The following ZFYVE9 variants were observed in gnomAD, a reference collection of about 807,000 sequenced individuals.
ZFYVE9 encodes the protein zinc finger FYVE-type containing 9, also known as zinc finger FYVE domain-containing protein 9.
ZFYVE9 carries 43 observed loss-of-function variants against 126.7 expected under a neutral mutation model. The observed-to-expected ratio is 0.34, with a 90% CI of 0.27 to 0.44. The LOEUF is 0.44. ZFYVE9 is among the 20% of genes least tolerant of loss of function. The pLI, the probability that ZFYVE9 is intolerant of heterozygous loss-of-function variation, is 1.00. For synonymous variants in ZFYVE9, 521 were observed against 597.4 expected, an observed-to-expected ratio of 0.87 and a Z score of 1.87; for missense variants, 1,476 against 1,697.0, an observed-to-expected ratio of 0.87 and a Z score of 2.29.
chr1:52,280,367 G>A (rs1208898022), intron 9 of ZFYVE9, among the ~76,000 whole-genome samples: 1 of 150,244 alleles, frequency 6.7e-6, no homozygotes, highest in Non-Finnish European at 1.5e-5. Flanking sequence ...ATGACAGAGT[G>A]AGACCCTGTT....
In ZFYVE9 at chr1:52,216,436, G is replaced by A. The variant is rs188426283; in HGVS notation, c.-75G>A. On this transcript the variant is annotated 5_prime_UTR_variant, in exon 2 of 19. Transcript: ENST00000287727. ...GCAGCAGACATCATGAGTAAGCACC[G>A]AGAAGTCTGTTCCTTATCACGTGTG... The A allele has an allele frequency of 4.6e-4, 185 of 398,460 alleles. No homozygotes were observed. The highest frequency in any genetic ancestry group is 3.1e-3 in the Middle Eastern group (5 of 1,588). 24.7% of individuals were successfully genotyped at this position (398,460 alleles called of 1,614,324 possible).
At chr1:52,307,473 G>T (rs1208757257) in intron 13 of ZFYVE9, among the ~76,000 whole-genome samples, 1 of 152,124 alleles carries the variant, frequency 6.6e-6, no homozygotes, top group African/African-American at 2.4e-5. Flanking sequence ...CTAACTGCAG[G>T]TCTTCTACCC....
chr1:52,326,415 A>G (rs1358003766), intron 13 of ZFYVE9, among the ~76,000 whole-genome samples: 1 of 152,162 alleles, frequency 6.6e-6, no homozygotes, highest in African/African-American at 2.4e-5. Flanking sequence ...TGTAAATATT[A>G]ATTTATCTAA....
chr1:52,263,753 T>TC lies in ZFYVE9; in HGVS notation c.2179-5dup, dbSNP rs58847260. 1,240 of 713,370 alleles carry TC rather than the reference T, an allele frequency of 1.7e-3. 5 individuals are homozygous for TC. The highest frequency in any genetic ancestry group is 4.8e-3 in the African/African-American group (100 of 21,032). The allele number at this position is 713,370 out of a possible 1,614,324, so 44.2% of individuals were successfully genotyped here. A position where few individuals can be genotyped will look rare whatever the true frequency, so the allele number is the denominator to read the frequency against. ...ATCCCAAGTAAATTTTGTGTGTTCT[T>TC]CCCCCCCCCCCCCCCACAGGTTTTC... On this transcript the variant is annotated intron_variant, in intron 4 of 18. Coordinates refer to ENST00000287727, the MANE Select transcript of ZFYVE9 (RefSeq NM_004799.4).
intron 13 of ZFYVE9, among the ~76,000 whole-genome samples, chr1:52,314,342 G>T (rs1557515514): frequency 6.6e-6 from 1 of 152,146 alleles, no homozygotes; most frequent in African/African-American, 2.4e-5. Context: ...ATGCTGAAAA[G>T]AAAAACTGTC....
At position 52,157,394 on chromosome 1, in the gene ZFYVE9, CTTTTTTTTTT is replaced by C. The variant is rs71579908; in HGVS notation, c.-143+15006_-143+15015del. Among the ~76,000 whole-genome samples the C allele has an allele frequency of 2.1e-4, 12 of 58,464 alleles. No homozygotes were observed. In the South Asian group the frequency reaches 2.9e-3, roughly 14 times the overall value. The allele number at this position is 58,464 out of a possible 152,430, so 38.4% of individuals were successfully genotyped here. On this transcript the variant is annotated intron_variant, in intron 1 of 18. Coordinates refer to ENST00000287727, the MANE Select transcript of ZFYVE9 (RefSeq NM_004799.4). ...TTTTTTCCTTATGGCACCATATTCT[CTTTTTTTTTT>C]TTTTTTTTTTTTTTGAGATGGAGTC...
intron 5 of ZFYVE9, 56 bp from the exon 6 acceptor site, chr1:52,266,599 C>A: frequency 4.8e-6 from 7 of 1,454,454 alleles, no homozygotes; most frequent in Non-Finnish European, 6.4e-6. Context: ...TTGTGGAGGT[C>A]TTGATGTCCA....
chr1:52,339,802 A>G (rs1350051660), intron 16 of ZFYVE9, among the ~76,000 whole-genome samples: 4 of 152,234 alleles, frequency 2.6e-5, no homozygotes, highest in Non-Finnish European at 4.4e-5. Context: ...GTGACCATGC[A>G]TTCACTGAAA....
chr1:52,324,823 A>G (rs1646275591), intron 13 of ZFYVE9, among the ~76,000 whole-genome samples: 1 of 152,180 alleles, frequency 6.6e-6, no homozygotes, highest in African/African-American at 2.4e-5. Flanking sequence ...TAATGTTTGT[A>G]GAACTGAATC....
At chr1:52,277,555 T>C (rs1645760061) in intron 8 of ZFYVE9, among the ~76,000 whole-genome samples, 1 of 152,210 alleles carries the variant, frequency 6.6e-6, no homozygotes, top group African/African-American at 2.4e-5. Context: ...ATATTTTTAA[T>C]AATGGAGTAG....
intron 10 of ZFYVE9, among the ~76,000 whole-genome samples, chr1:52,286,724 CTA>C (rs1645864641): frequency 6.6e-6 from 1 of 152,156 alleles, no homozygotes; most frequent in South Asian, 2.1e-4. Context: ...GGTTGTTTCC[CTA>C]TCTTACTCAA....
intron 1 of ZFYVE9, among the ~76,000 whole-genome samples, chr1:52,213,776 A>G (rs1320266827): frequency 6.6e-6 from 1 of 152,186 alleles, no homozygotes; most frequent in African/African-American, 2.4e-5. Flanking sequence ...GAAAGGTTTC[A>G]GTAAATGGAA....
Position 52,199,134 on chromosome 1 carries a change from C to T in ZFYVE9, c.-142-17235C>T, listed in dbSNP as rs909173342. 4.0e-5 allele frequency among the ~76,000 whole-genome samples: 6 copies of T among 151,196 alleles called. No individual in the cohort carries two copies. The South Asian group carries it at 8.4e-4, about 21-fold the overall frequency. On this transcript the variant is annotated intron_variant, in intron 1 of 18. Coordinates refer to ENST00000287727, the MANE Select transcript of ZFYVE9 (RefSeq NM_004799.4). ...AGGCTGGAGTGCTGTGGCGCGATCTCGACTCACTGCAAGCTCCGCCTCCCG... is the reference window on the plus strand; with the variant it reads ...AGGCTGGAGTGCTGTGGCGCGATCTTGACTCACTGCAAGCTCCGCCTCCCG...
At chr1:52,305,228 G>A (rs1426779060) in intron 13 of ZFYVE9, among the ~76,000 whole-genome samples, 2 of 152,148 alleles carry the variant, frequency 1.3e-5, no homozygotes, top group African/African-American at 2.4e-5. Context: ...ATCACCTGAC[G>A]TCAGGAGTTT....
At chr1:52,251,203 T>A (rs931125786) in intron 4 of ZFYVE9, among the ~76,000 whole-genome samples, 5 of 151,932 alleles carry the variant, frequency 3.3e-5, no homozygotes, top group African/African-American at 1.2e-4. Flanking sequence ...TCCTGAGTAG[T>A]TGGGATTACA....
intron 17 of ZFYVE9, among the ~76,000 whole-genome samples, chr1:52,341,991 C>T (rs1266203308): frequency 6.6e-6 from 1 of 152,208 alleles, no homozygotes; most frequent in Non-Finnish European, 1.5e-5. Context: ...GCAAGCTACC[C>T]ATCCTAAGAT....
chr1:52,328,947 A>AGAT (rs949352674), intron 13 of ZFYVE9, among the ~76,000 whole-genome samples: 3 of 152,180 alleles, frequency 2.0e-5, no homozygotes, highest in African/African-American at 7.2e-5. Flanking sequence ...TAAAGCCAAG[A>AGAT]GATGATGATG....
intron 7 of ZFYVE9, among the ~76,000 whole-genome samples, chr1:52,269,432 G>T (rs960655963): frequency 2.0e-5 from 3 of 152,024 alleles, no homozygotes; most frequent in African/African-American, 7.2e-5. Flanking sequence ...ACCCTATCAG[G>T]ATTGGATAAA....
rs576065771 is a variant in ZFYVE9, at chr1:52,242,120, C to T, written c.2178+2525C>T. On this transcript the variant is annotated intron_variant, in intron 4 of 18. Coordinates refer to ENST00000287727, the MANE Select transcript of ZFYVE9 (RefSeq NM_004799.4). ...GATCTCAGTTCACTGCAACCTCTGC[C>T]TCCTGGGCTCAGGCAATTCTCCTGC... 7.0e-4 allele frequency among the ~76,000 whole-genome samples: 106 copies of T among 150,712 alleles called. No individual in the cohort carries two copies. The Middle Eastern group carries it at 0.017, about 24-fold the overall frequency.
Sources: gnomAD v4.1 joint callset for allele counts (sites outside exome capture counted in the v4.1 genomes callset) on GRCh38, gnomAD v4.1.1 for gene constraint, MANE v1.5 for transcripts, NCBI Gene and HGNC (gene_info 2026-07-23, HGNC 2026-07-21) for gene names.